Variants in PRMT8 observed in about 807,000 individuals in gnomAD.
PRMT8 encodes protein arginine methyltransferase 8.
PRMT8 carries 7 observed loss-of-function variants against 47.1 expected under a neutral mutation model. The ratio of observed to expected loss-of-function variants is 0.15; its 90% CI spans 0.08 to 0.28. The LOEUF is 0.28. PRMT8 is among the 10% of genes least tolerant of loss of function. PRMT8 has a pLI of 1.00. For synonymous variants in PRMT8, 188 were observed against 186.5 expected (o/e 1.01, Z -0.07); for missense variants, 237 against 505.4 (o/e 0.47, Z 5.09).
chr12:3,450,301 C>A lies in PRMT8; in HGVS notation c.48+68859C>A, dbSNP rs139162331. 4.0e-4 allele frequency among the ~76,000 whole-genome samples: 61 copies of A among 152,294 alleles called. 1 individual carries two copies. The highest frequency in any genetic ancestry group is 1.4e-3 in the African/African-American group (59 of 41,568). On this transcript the variant is annotated intron_variant, in intron 1 of 9. Coordinates refer to the PRMT8 transcript ENST00000452611. The stretch of plus-strand genomic sequence containing the variant: ...GGTTTATCTTGGATGTTGAATGGAT[C>A]TTTTACCCATATGAGATTTTGTAAC...
intron 1 of PRMT8, among the ~76,000 whole-genome samples, chr12:3,465,295 A>AAT (rs1865087320): frequency 1.8e-5 from 1 of 56,540 alleles, no homozygotes; most frequent in Non-Finnish European, 5.3e-5. Flanking sequence ...TATAATATAT[A>AAT]ATAAAATATA....
intron 1 of PRMT8, among the ~76,000 whole-genome samples, chr12:3,417,400 A>G (rs1341285437): frequency 2.0e-5 from 3 of 152,234 alleles, no homozygotes; most frequent in African/African-American, 4.8e-5. Flanking sequence ...ATGCAACATG[A>G]ATTAATTCAA....
chr12:3,565,143 G>A (rs143453858), intron 4 of PRMT8, among the ~76,000 whole-genome samples: 1 of 152,276 alleles, frequency 6.6e-6, no homozygotes, highest in East Asian at 1.9e-4. Flanking sequence ...TTTTATTGAT[G>A]CCAGCTGTCT....
chr12:3,497,484 T>A (rs1030947629), intron 1 of PRMT8, among the ~76,000 whole-genome samples: 1 of 152,258 alleles, frequency 6.6e-6, no homozygotes, highest in Non-Finnish European at 1.5e-5. Context: ...TATGTTATTC[T>A]AAAAAGAGAT....
intron 1 of PRMT8, among the ~76,000 whole-genome samples, chr12:3,523,518 A>C (rs1169313284): frequency 6.6e-6 from 1 of 152,190 alleles, no homozygotes; most frequent in East Asian, 1.9e-4. Context: ...GACAACCCTA[A>C]GAGAGTAAAA....
At chr12:3,423,392 G>A (rs988531491) in intron 1 of PRMT8, among the ~76,000 whole-genome samples, 2 of 152,202 alleles carry the variant, frequency 1.3e-5, no homozygotes, top group African/African-American at 4.8e-5. Context: ...CGTATGATTT[G>A]GTTGAGCATG....
chr12:3,532,637 A>G (rs1039398218), intron 1 of PRMT8, among the ~76,000 whole-genome samples: 15 of 150,718 alleles, frequency 1.0e-4, no homozygotes, highest in Non-Finnish European at 1.9e-4. Flanking sequence ...AAAAAAAAAA[A>G]AAAAGAGCTC....
chr12:3,569,347 G>A lies in PRMT8; in HGVS notation c.625-130G>A, dbSNP rs2137207294. On this transcript the variant is annotated intron_variant, in intron 5 of 9. Coordinates refer to ENST00000382622, the MANE Select transcript of PRMT8 (RefSeq NM_019854.5). This position sits in a 1 kb window ranked among gnomAD's most constrained non-coding sequence, Gnocchi z 8.2. ...TGTCCTAGCCCTCACCCCAGACAAG[G>A]TGACAGTCCACTGCATGAGAGATGG... 3 of 799,678 alleles carry A rather than the reference G, an allele frequency of 3.8e-6. No individual in the cohort carries two copies. In the South Asian group the frequency reaches 4.4e-5, roughly 12 times the overall value. The allele number at this position is 799,678 out of a possible 1,614,324, so 49.5% of individuals were successfully genotyped here. A position where few individuals can be genotyped will look rare whatever the true frequency, so the allele number is the denominator to read the frequency against.
At chr12:3,446,405 C>T (rs1179920005) in intron 1 of PRMT8, among the ~76,000 whole-genome samples, 2 of 152,110 alleles carry the variant, frequency 1.3e-5, no homozygotes, top group Admixed American at 6.5e-5. Context: ...GGCACCGCCT[C>T]GGCCCCCAGC....
Position 3,568,890 on chromosome 12 carries a change from G to A in PRMT8, c.624+42G>A, listed in dbSNP as rs371104434. The A allele has an allele frequency of 6.2e-6, 10 of 1,611,100 alleles. No homozygotes were observed. In the African/African-American group the frequency reaches 1.2e-4, roughly 19 times the overall value. ...CTGTCCCCGCGTTGGCCGGCTGGCT[G>A]TCCTGCTCCTCTACCCAAGGCCTGC... is the stretch of plus-strand genomic sequence containing the variant. On this transcript the variant is annotated intron_variant, in intron 5 of 9. Transcript: ENST00000382622.
At chr12:3,398,174 G>A (rs562152273) in intron 1 of PRMT8, among the ~76,000 whole-genome samples, 1 of 152,308 alleles carries the variant, frequency 6.6e-6, no homozygotes, top group African/African-American at 2.4e-5. Context: ...TTTCTGCGTC[G>A]CTCATGCTGT....
chr12:3,553,420 G>A, intron 3 of PRMT8: 1 of 596,136 alleles, frequency 1.7e-6, no homozygotes, highest in Non-Finnish European at 3.0e-6. Flanking sequence ...TCCATCACGG[G>A]TGGTGACTAG....
chr12:3,480,654 C>CG (rs956755725), intron 1 of PRMT8, among the ~76,000 whole-genome samples: 1 of 151,684 alleles, frequency 6.6e-6, no homozygotes, highest in African/African-American at 2.4e-5. Flanking sequence ...TGCTTCCTCC[C>CG]CCCACCGCTT....
chr12:3,396,686 G>T (rs1490278620), intron 1 of PRMT8, among the ~76,000 whole-genome samples: 1 of 151,132 alleles, frequency 6.6e-6, no homozygotes, highest in Non-Finnish European at 1.5e-5. Context: ...TGACAATTAT[G>T]TGTCTTGGAG....
chr12:3,496,214 A>ATATATATATATTTTTTTTT, intron 1 of PRMT8, among the ~76,000 whole-genome samples: 4 of 27,770 alleles, frequency 1.4e-4, no homozygotes, highest in African/African-American at 1.8e-4. Flanking sequence ...ATATATATAT[A>ATATATATATATTTTTTTTT]TTTTTTTTTT....
chr12:3,528,908 C>T (rs1197828525), intron 1 of PRMT8, among the ~76,000 whole-genome samples: 1 of 152,184 alleles, frequency 6.6e-6, no homozygotes, highest in Non-Finnish European at 1.5e-5. Flanking sequence ...CAAAACACCT[C>T]TTCTGAGTAT....
At position 3,530,393 on chromosome 12, in the gene PRMT8, G is replaced by T. The variant is rs185325495; in HGVS notation, c.76-10213G>T. Reference sequence around the variant, plus strand: ...ATAAAATCTGGTTACTAGTCTGAAAGAATTTACTTCTTGTTGTAGAAGTAA... The same window carrying T: ...ATAAAATCTGGTTACTAGTCTGAAATAATTTACTTCTTGTTGTAGAAGTAA... On this transcript the variant is annotated intron_variant, in intron 1 of 9. Coordinates refer to ENST00000382622, the MANE Select transcript of PRMT8 (RefSeq NM_019854.5). Among the ~76,000 whole-genome samples the T allele has an allele frequency of 2.8e-4, 43 of 152,286 alleles. No homozygotes were observed. In the East Asian group the frequency reaches 7.3e-3, roughly 26 times the overall value.
intron 1 of PRMT8, among the ~76,000 whole-genome samples, chr12:3,448,342 G>T (rs954591073): frequency 6.6e-6 from 1 of 152,190 alleles, no homozygotes; most frequent in East Asian, 1.9e-4. Context: ...GGGCACCAAA[G>T]AGCTTTTGTT....
chr12:3,476,321 G>A (rs979402), intron 1 of PRMT8, among the ~76,000 whole-genome samples: 114,924 of 151,670 alleles, frequency 0.76, 43,803 homozygotes, highest in Middle Eastern at 0.86. Flanking sequence ...TATGTAGGGT[G>A]CCAGACACGT....
Sources: allele counts gnomAD v4.1 joint callset (sites outside exome capture counted in the v4.1 genomes callset), GRCh38; gene constraint gnomAD v4.1.1; non-coding constraint Gnocchi (gnomAD v3.1); transcripts MANE v1.5; gene names NCBI Gene and HGNC (gene_info 2026-07-23, HGNC 2026-07-21).